The following PDE6B variants were observed in gnomAD, a reference collection of about 807,000 sequenced individuals.
PDE6B encodes the protein rod cGMP-specific 3',5'-cyclic phosphodiesterase subunit beta.
PDE6B carries 106 observed loss-of-function variants against 109.0 expected under a neutral mutation model. The ratio of observed to expected loss-of-function variants is 0.97; its 90% CI spans 0.83 to 1.14. The LOEUF is 1.14. Ranked by LOEUF, PDE6B falls within the 50% of genes most tolerant of loss-of-function variation. The probability of loss-of-function intolerance (pLI) is 0.00; values close to 1 mark genes in which losing one functional copy is unlikely to be tolerated. For missense variants in PDE6B, 1,193 were observed against 1,155.6 expected, an observed-to-expected ratio of 1.03 and a Z score of -0.47; for synonymous variants, 490 against 471.3, an observed-to-expected ratio of 1.04 and a Z score of -0.51.
intron 6 of PDE6B, 174 bp downstream of exon 6, chr4:655,062 TGA>T (rs1398411080): frequency 1.2e-5 from 8 of 640,530 alleles, no homozygotes; most frequent in Non-Finnish European, 2.3e-5. Flanking sequence ...GAGTTGGGGG[TGA>T]GACAGAAGCC....
chr4:638,087 G>A (rs754586791), intron 3 of PDE6B, among the ~76,000 whole-genome samples: 5 of 152,300 alleles, frequency 3.3e-5, no homozygotes, highest in East Asian at 3.9e-4. Flanking sequence ...ACGAGTGAGC[G>A]TTCCTGCTGC....
chr4:656,035 C>G, intron 7 of PDE6B, 29 bp downstream of exon 7: 2 of 1,442,884 alleles, frequency 1.4e-6, no homozygotes, highest in Non-Finnish European at 2.0e-6. Context: ...GGAGTCCCCA[C>G]AGCCTTGCCC....
chr4:641,614 G>A (rs1233173883), intron 3 of PDE6B, among the ~76,000 whole-genome samples: 6 of 152,314 alleles, frequency 3.9e-5, no homozygotes, highest in South Asian at 2.1e-4. Context: ...CCACAGCCCC[G>A]CACACAGCCG....
At chr4:637,079 G>A (rs1322597962) in intron 3 of PDE6B, among the ~76,000 whole-genome samples, 1 of 152,190 alleles carries the variant, frequency 6.6e-6, no homozygotes. Context: ...GGACTTATGA[G>A]TATTGTATGC....
chr4:628,251 ATG>A (rs762863206), intron 1 of PDE6B, among the ~76,000 whole-genome samples: 1 of 152,156 alleles, frequency 6.6e-6, no homozygotes, highest in Non-Finnish European at 1.5e-5. Context: ...TTCTGGGTTC[ATG>A]TCTCAGTTTA....
At chr4:631,035 C>G (rs561192805) in intron 1 of PDE6B, among the ~76,000 whole-genome samples, 5 of 152,128 alleles carry the variant, frequency 3.3e-5, no homozygotes, top group Non-Finnish European at 7.4e-5. Flanking sequence ...GGCAGGGGAC[C>G]CAGGAGCAGC....
rs1231917771 is a variant in PDE6B at position 670,131 on chromosome 4, T to C, written c.*24T>C. 1.2e-6 allele frequency: 2 copies of C among 1,607,580 alleles called. No homozygotes were observed. Among genetic ancestry groups the C allele is most frequent in the Admixed American group, 3.3e-5 (2 of 60,012 alleles). On this transcript the variant is annotated 3_prime_UTR_variant, in exon 22 of 22. Coordinates refer to ENST00000496514, the MANE Select transcript of PDE6B (RefSeq NM_000283.4). The stretch of plus-strand genomic sequence containing the variant: ...GAGCACTGGTCCCATGGGGACCCTA[T>C]GGCTCCCTCAATCTTCACCCACTAG...
intron 3 of PDE6B, among the ~76,000 whole-genome samples, chr4:637,118 T>G (rs1306364941): frequency 6.6e-6 from 1 of 152,270 alleles, no homozygotes; most frequent in Non-Finnish European, 1.5e-5. Flanking sequence ...TGATTTTATT[T>G]ATTTTCTTGC....
chr4:651,363 G>A (rs1041141132), intron 3 of PDE6B, among the ~76,000 whole-genome samples: 1 of 152,030 alleles, frequency 6.6e-6, no homozygotes, highest in Non-Finnish European at 1.5e-5. Context: ...TGGGTCCTCA[G>A]GGGGGGCCTC....
chr4:662,563 G>A lies in PDE6B; in HGVS notation c.1777G>A (p.Ala593Thr). 1.2e-6 allele frequency: 2 copies of A among 1,613,114 alleles called. No individual in the cohort carries two copies. The highest frequency in any genetic ancestry group is 1.7e-6 in the Non-Finnish European group (2 of 1,179,866). Residue 593 changes from alanine (A) to threonine (T), a missense_variant, in exon 14 of 22, where the codon GCC becomes ACC. Transcript: ENST00000496514. The surrounding 1 kb of genome is among the most constrained non-coding windows in gnomAD (Gnocchi z 4.3). ...CCTGGAGGCCTTCGCCATGGTGACA[G>A]CCGGCCTGTGCCATGACATCGACCA... is the stretch of plus-strand genomic sequence containing the variant. Reference protein sequence around the residue: ...TDLEAFAMVTAGLCHDIDHRG... With the variant: ...TDLEAFAMVTTGLCHDIDHRG...
intron 17 of PDE6B, 113 bp from the exon 18 acceptor site, chr4:664,768 T>C: frequency 1.2e-6 from 1 of 852,588 alleles, no homozygotes; most frequent in Non-Finnish European, 2.1e-6. Flanking sequence ...ATTGCGCCAT[T>C]GCACTCCAGC....
intron 1 of PDE6B, among the ~76,000 whole-genome samples, chr4:634,357 C>A (rs903575580): frequency 6.6e-6 from 1 of 152,168 alleles, no homozygotes; most frequent in African/African-American, 2.4e-5. Context: ...ATCCAGGAAG[C>A]CCGACGTGGC....
rs1339216331 is a variant in PDE6B, at chr4:625,697, G to C, written c.71G>C (p.Gly24Ala). ...QNPDFARQYF[G>A]KKLSPENVAA... ...CCCGATTTTGCCCGCCAGTACTTTG[G>C]GAAGAAACTGAGCCCTGAGAATGTG... Residue 24 changes from glycine (G) to alanine (A), a missense_variant, in exon 1 of 22, where the codon GGG becomes GCG. By Grantham distance (60) the Gly-to-Ala change is moderately conservative (BLOSUM62 0). Coordinates refer to ENST00000496514, the MANE Select transcript of PDE6B (RefSeq NM_000283.4). The surrounding 1 kb of genome is among the most constrained non-coding windows in gnomAD (Gnocchi z 5.0). 3 of 1,613,838 alleles carry C rather than the reference G, an allele frequency of 1.9e-6. No individual in the cohort carries two copies. Among genetic ancestry groups the C allele is most frequent in the African/African-American group, 2.7e-5 (2 of 74,930 alleles).
At chr4:667,482 G>A (rs978849319) in intron 20 of PDE6B, among the ~76,000 whole-genome samples, 1 of 152,204 alleles carries the variant, frequency 6.6e-6, no homozygotes, top group Non-Finnish European at 1.5e-5. Flanking sequence ...CTTGCATGAT[G>A]TGTGCCGTGT....
chr4:663,112 C>T lies in PDE6B; in HGVS notation c.1845C>T (p.Pro615=). The change falls in exon 15 of 22, where the codon CCC becomes CCT. Residue 615 remains proline (P), a synonymous_variant. Transcript: ENST00000496514. This position sits in a 1 kb window ranked among gnomAD's most constrained non-coding sequence, Gnocchi z 4.0. ...NNLYQMKSQN[P]LAKLHGSSIL... ...ACCTGTGTAACAGGTCCCAGAACCC[C>T]TTGGCTAAGCTCCACGGCTCCTCGA... 1 of 1,609,554 alleles carries T rather than the reference C, an allele frequency of 6.2e-7. No homozygotes were observed. The highest frequency in any genetic ancestry group is 8.5e-7 in the Non-Finnish European group (1 of 1,175,898).
intron 3 of PDE6B, among the ~76,000 whole-genome samples, chr4:641,759 G>T (rs965926223): frequency 6.6e-6 from 1 of 152,278 alleles, no homozygotes; most frequent in Admixed American, 6.5e-5. Flanking sequence ...CGACTCTCCT[G>T]CCTCAGCCTC....
chr4:626,200 G>T lies in PDE6B; in HGVS notation c.468+106G>T. On this transcript the variant is annotated intron_variant, in intron 1 of 21. Coordinates refer to ENST00000496514, the MANE Select transcript of PDE6B (RefSeq NM_000283.4). The surrounding 1 kb of genome is among the most constrained non-coding windows in gnomAD (Gnocchi z 4.6). The stretch of plus-strand genomic sequence containing the variant: ...CCTCAGGCCTCCAGGGAGGCCTCTT[G>T]TCAGGGCACAGGCTAGTTCTGTGCT... 1.4e-6 allele frequency: 1 copy of T among 733,524 alleles called. No individual in the cohort carries two copies. The highest frequency in any genetic ancestry group is 2.4e-6 in the Non-Finnish European group (1 of 419,882). The allele number at this position is 733,524 out of a possible 1,614,324, so 45.4% of individuals were successfully genotyped here. A position where few individuals can be genotyped will look rare whatever the true frequency, so the allele number is the denominator to read the frequency against.
intron 3 of PDE6B, among the ~76,000 whole-genome samples, chr4:647,588 G>A (rs1713833690): frequency 6.6e-6 from 1 of 152,022 alleles, no homozygotes; most frequent in East Asian, 1.9e-4. Flanking sequence ...CTGGCTTGCT[G>A]TGTCCTCGTC....
rs754551261 is a variant in PDE6B at position 625,938 on chromosome 4, C to G, written c.312C>G (p.Ala104=). The G allele has an allele frequency of 1.8e-5, 29 of 1,592,014 alleles. No individual in the cohort carries two copies. Among genetic ancestry groups the G allele is most frequent in the South Asian group, 9.0e-5 (8 of 88,606 alleles). The change falls in exon 1 of 22, where the codon GCC becomes GCG. Residue 104 remains alanine (A), a synonymous_variant. Coordinates refer to ENST00000496514, the MANE Select transcript of PDE6B (RefSeq NM_000283.4). The surrounding 1 kb of genome is among the most constrained non-coding windows in gnomAD (Gnocchi z 5.0). ...LFMYRQRNGV[A]ELATRLFSVQ... ...TGTACCGCCAGCGCAACGGCGTGGC[C>G]GAGCTGGCCACCAGGCTTTTCAGCG...
Sources: allele counts gnomAD v4.1 joint callset (sites outside exome capture counted in the v4.1 genomes callset), GRCh38; gene constraint gnomAD v4.1.1; non-coding constraint Gnocchi (gnomAD v3.1); transcripts MANE v1.5; gene names NCBI Gene and HGNC (gene_info 2026-07-23, HGNC 2026-07-21).